Variants in PCBD2 observed in about 807,000 individuals in gnomAD.
PCBD2 encodes pterin-4 alpha-carbinolamine dehydratase 2.
A neutral mutation model predicts 16.4 loss-of-function variants in PCBD2; 12 were observed. The ratio of observed to expected loss-of-function variants is 0.73; its 90% confidence interval spans 0.47 to 1.19. PCBD2 has a LOEUF of 1.19. PCBD2 is among the 50% of genes most tolerant of loss of function. PCBD2 has a pLI of 0.00. For missense variants in PCBD2, 138 were observed against 156.8 expected, an observed-to-expected ratio of 0.88 and a Z score of 0.64; for synonymous variants, 58 against 61.8, an observed-to-expected ratio of 0.94 and a Z score of 0.29.
intron 2 of PCBD2, among the ~76,000 whole-genome samples, chr5:134,956,856 C>T (rs112174117): frequency 0.025 from 3,737 of 152,286 alleles, 67 homozygotes; most frequent in Non-Finnish European, 0.041. Context: ...GTGCCATTAC[C>T]GATCTCTTAT....
chr5:134,960,542 G>T lies in PCBD2; in HGVS notation c.298-44G>T, dbSNP rs749351925. On this transcript the variant is annotated intron_variant, in intron 3 of 3. Coordinates refer to ENST00000254908, the MANE Select transcript of PCBD2 (RefSeq NM_032151.5). ...TGAACTGCCAAAGGAAAATAACCAT[G>T]ATTTGCTGCTCAGAGTTTTAAAAAC... The T allele has an allele frequency of 5.2e-6, 7 of 1,358,222 alleles. No homozygotes were observed. In the African/African-American group the frequency reaches 1.0e-4, roughly 20 times the overall value. The allele number at this position is 1,358,222 out of a possible 1,614,324, so 84.1% of individuals were successfully genotyped here.
chr5:134,925,442 A>G, intron 2 of PCBD2: 1 of 398,496 alleles, frequency 2.5e-6, no homozygotes, highest in Non-Finnish European at 4.4e-6. Context: ...GAGCATATAA[A>G]TAGTATGGCT....
At chr5:134,950,000 A>G (rs1438832612) in intron 2 of PCBD2, among the ~76,000 whole-genome samples, 1 of 152,268 alleles carries the variant, frequency 6.6e-6, no homozygotes, top group African/African-American at 2.4e-5. Flanking sequence ...TTGATCACCA[A>G]TTAGAGTAAA....
At chr5:134,948,231 A>G (rs1407248637) in intron 2 of PCBD2, among the ~76,000 whole-genome samples, 4 of 152,256 alleles carry the variant, frequency 2.6e-5, no homozygotes, top group Admixed American at 2.0e-4. Context: ...ATAGTAGCTG[A>G]TGAAGATATG....
At chr5:134,915,561 C>T (rs1274853912) in intron 2 of PCBD2, among the ~76,000 whole-genome samples, 1 of 150,676 alleles carries the variant, frequency 6.6e-6, no homozygotes, top group Non-Finnish European at 1.5e-5. Context: ...GATCATCCCA[C>T]CTCAGCCTCC....
Position 134,910,241 on chromosome 5 carries a change from G to C in PCBD2, c.85-94G>C. The C allele has an allele frequency of 2.2e-6, 3 of 1,371,770 alleles. No homozygotes were observed. The South Asian group carries it at 4.1e-5, about 19-fold the overall frequency. 85.0% of individuals were successfully genotyped at this position (1,371,770 alleles called of 1,614,324 possible). A position where few individuals can be genotyped will look rare whatever the true frequency, so the allele number is the denominator to read the frequency against. On this transcript the variant is annotated intron_variant, in intron 1 of 3. Coordinates refer to ENST00000254908, the MANE Select transcript of PCBD2 (RefSeq NM_032151.5). Reference sequence around the variant, plus strand: ...GATGGTTAGAATTTGTTGCCTTTCAGACTTTTCTACATCTCTGCTTAAGGT... The same window carrying C: ...GATGGTTAGAATTTGTTGCCTTTCACACTTTTCTACATCTCTGCTTAAGGT...
At chr5:134,934,469 A>G (rs1213680126) in intron 2 of PCBD2, among the ~76,000 whole-genome samples, 2 of 152,120 alleles carry the variant, frequency 1.3e-5, no homozygotes, top group Admixed American at 1.3e-4. Context: ...CCATGAAATA[A>G]TTCTCTTTTC....
intron 2 of PCBD2, among the ~76,000 whole-genome samples, chr5:134,935,463 G>A (rs190469611): frequency 4.7e-4 from 71 of 152,192 alleles, no homozygotes; most frequent in Admixed American, 1.8e-3. Context: ...AAATTATTTT[G>A]GGGTGTCATT....
At chr5:134,907,914 G>A (rs544041989) in intron 1 of PCBD2, among the ~76,000 whole-genome samples, 18 of 144,366 alleles carry the variant, frequency 1.2e-4, no homozygotes, top group Admixed American at 2.8e-4. Context: ...GAGCCACCAC[G>A]CCCGGACTTT....
rs78117094 is a variant in PCBD2, at chr5:134,923,927, T to C, written c.216+13461T>C. ...ATAGTCCTGTGGTGATTTGGAGGAT[T>C]AGGCAGGCACCAAGAAGTGAGCCGA... On this transcript the variant is annotated intron_variant, in intron 2 of 3. Coordinates refer to ENST00000254908, the MANE Select transcript of PCBD2 (RefSeq NM_032151.5). 3 of 394,272 alleles carry C rather than the reference T, an allele frequency of 7.6e-6. No individual in the cohort carries two copies. In the East Asian group the frequency reaches 1.1e-4, roughly 14 times the overall value. 24.4% of individuals were successfully genotyped at this position (394,272 alleles called of 1,614,324 possible).
At chr5:134,945,276 T>G (rs1168178289) in intron 2 of PCBD2, among the ~76,000 whole-genome samples, 1 of 152,172 alleles carries the variant, frequency 6.6e-6, no homozygotes, top group Non-Finnish European at 1.5e-5. Flanking sequence ...CTGAGCAGTC[T>G]TTGCAGAGAT....
chr5:134,929,812 C>T (rs993001296), intron 2 of PCBD2, among the ~76,000 whole-genome samples: 2 of 152,174 alleles, frequency 1.3e-5, no homozygotes, highest in Non-Finnish European at 2.9e-5. Context: ...CTGCCTCAGC[C>T]TCCCAAGTAG....
intron 1 of PCBD2, 121 bp downstream of exon 1, chr5:134,905,344 C>A: frequency 1.1e-6 from 1 of 915,750 alleles, no homozygotes; most frequent in Non-Finnish European, 1.4e-6. Context: ...AGCCTTGGAG[C>A]TCGGGCGTCG....
intron 2 of PCBD2, among the ~76,000 whole-genome samples, chr5:134,945,222 T>C (rs1431722493): frequency 6.6e-6 from 1 of 152,186 alleles, no homozygotes; most frequent in Non-Finnish European, 1.5e-5. Flanking sequence ...CCTGATGGTT[T>C]AGAGCCAGTT....
chr5:134,936,743 G>A (rs780803233), intron 2 of PCBD2, among the ~76,000 whole-genome samples: 4 of 152,120 alleles, frequency 2.6e-5, no homozygotes, highest in South Asian at 2.1e-4. Flanking sequence ...TAAGATCCCC[G>A]AATTTAGCCT....
intron 2 of PCBD2, among the ~76,000 whole-genome samples, chr5:134,950,748 A>G (rs561284137): frequency 1.3e-5 from 2 of 152,326 alleles, no homozygotes; most frequent in South Asian, 2.1e-4. Context: ...TTCATCATAC[A>G]TTCATTGACT....
intron 2 of PCBD2, among the ~76,000 whole-genome samples, chr5:134,949,085 C>A (rs1013286928): frequency 6.6e-6 from 1 of 152,092 alleles, no homozygotes; most frequent in African/African-American, 2.4e-5. Context: ...ACACAAGGGA[C>A]TGCACAGGGA....
intron 2 of PCBD2, among the ~76,000 whole-genome samples, chr5:134,918,547 A>G (rs1272113394): frequency 2.0e-5 from 3 of 152,234 alleles, no homozygotes; most frequent in Non-Finnish European, 4.4e-5. Context: ...TTTTGATTTG[A>G]AAGTATAAGC....
chr5:134,959,973 C>A (rs953214598), intron 3 of PCBD2, among the ~76,000 whole-genome samples: 1 of 149,410 alleles, frequency 6.7e-6, no homozygotes, highest in Non-Finnish European at 1.5e-5. Flanking sequence ...TCACTGCAGC[C>A]TCCACCTCCC....
Sources: allele counts gnomAD v4.1 joint callset (sites outside exome capture counted in the v4.1 genomes callset), GRCh38; gene constraint gnomAD v4.1.1; transcripts MANE v1.5; gene names NCBI Gene and HGNC (gene_info 2026-07-23, HGNC 2026-07-21).